The following KAT6B variants were observed in gnomAD, a reference collection of about 807,000 sequenced individuals.
The protein encoded by KAT6B is histone acetyltransferase KAT6B.
Under a neutral mutation model 187.5 loss-of-function variants are expected in KAT6B, and 10 were observed. That is an observed-to-expected ratio of 0.05 (90% CI 0.03 to 0.09). The LOEUF (loss-of-function observed/expected upper bound fraction) is 0.09. Ranked by LOEUF, KAT6B falls within the 10% of genes least tolerant of loss-of-function variation. The pLI is 1.00. For synonymous variants in KAT6B, 861 were observed against 926.8 expected, an observed-to-expected ratio of 0.93 and a Z score of 1.29; for missense variants, 1,952 against 2,558.9, an observed-to-expected ratio of 0.76 and a Z score of 5.12.
chr10:75,000,105 G>A (rs1468709892), intron 13 of KAT6B, among the ~76,000 whole-genome samples: 3 of 151,750 alleles, frequency 2.0e-5, no homozygotes, highest in Non-Finnish European at 4.4e-5. Flanking sequence ...CTGGGAAGCA[G>A]AGGTTGCAGT....
intron 1 of KAT6B, among the ~76,000 whole-genome samples, chr10:74,830,770 T>TATGTATATATATA (rs60886313): frequency 4.2e-4 from 4 of 9,632 alleles, no homozygotes; most frequent in African/African-American, 6.0e-4. Flanking sequence ...ATATATATAT[T>TATGTATATATATA]TTTTTTTTTT....
intron 3 of KAT6B, among the ~76,000 whole-genome samples, chr10:74,899,914 T>G (rs933579592): frequency 2.0e-5 from 3 of 152,230 alleles, no homozygotes; most frequent in Non-Finnish European, 4.4e-5. Context: ...AATAAAACTT[T>G]AAATCAATTA....
chr10:74,901,367 G>A (rs1051162892), intron 3 of KAT6B, among the ~76,000 whole-genome samples: 7 of 152,182 alleles, frequency 4.6e-5, no homozygotes, highest in Non-Finnish European at 8.8e-5. Flanking sequence ...CTCACTTCTG[G>A]CTGTGTGGGC....
chr10:74,872,447 C>T (rs1477924520), intron 3 of KAT6B, among the ~76,000 whole-genome samples: 1 of 152,130 alleles, frequency 6.6e-6, no homozygotes, highest in Non-Finnish European at 1.5e-5. Context: ...ACGATCTCGG[C>T]TCAGCGCAAC....
chr10:74,950,769 T>C (rs1184206121), intron 3 of KAT6B, among the ~76,000 whole-genome samples: 1 of 152,224 alleles, frequency 6.6e-6, no homozygotes, highest in Non-Finnish European at 1.5e-5. Context: ...TTGTGGACAA[T>C]AATTCATTAC....
intron 3 of KAT6B, among the ~76,000 whole-genome samples, chr10:74,881,137 T>C (rs1401602142): frequency 6.6e-6 from 1 of 152,106 alleles, no homozygotes; most frequent in Non-Finnish European, 1.5e-5. Context: ...CTCCATCTCC[T>C]GACCTCAGGG....
At chr10:74,891,246 C>T (rs1438265953) in intron 3 of KAT6B, among the ~76,000 whole-genome samples, 1 of 152,234 alleles carries the variant, frequency 6.6e-6, no homozygotes, top group African/African-American at 2.4e-5. Context: ...GCTGGTGCTG[C>T]TACTGCAAGG....
At chr10:74,890,586 A>C (rs2066256293) in intron 3 of KAT6B, among the ~76,000 whole-genome samples, 1 of 152,196 alleles carries the variant, frequency 6.6e-6, no homozygotes, top group South Asian at 2.1e-4. Flanking sequence ...GGAGAATGTG[A>C]GGAGCTGAGT....
Position 75,030,846 on chromosome 10 carries a change from A to G in KAT6B, c.6022A>G (p.Ser2008Gly). The G allele has an allele frequency of 6.2e-7, 1 of 1,614,240 alleles. No homozygotes were observed. The highest frequency in any genetic ancestry group is 1.1e-5 in the South Asian group (1 of 91,090). Reference protein sequence around the residue: ...SQPMMNSGYHSNHGYMNQTPQ... With the variant: ...SQPMMNSGYHGNHGYMNQTPQ... ...GCCAATGATGAACAGTGGCTACCAC[A>G]GCAATCATGGCTATATGAATCAAAC... The change falls in exon 18 of 18, where the codon AGC becomes GGC. Residue 2008 changes from serine to glycine, a missense_variant. Physicochemically the swap from Ser to Gly is moderately conservative, Grantham distance 56. Around this residue, in one of 9 missense-constraint regions of KAT6B, gnomAD observed 358 missense variants for 436.3 expected, o/e 0.82. Transcript: ENST00000287239. The surrounding 1 kb of genome is among the most constrained non-coding windows in gnomAD (Gnocchi z 4.8).
Position 75,028,821 on chromosome 10 carries a change from G to A in KAT6B, c.3997G>A (p.Val1333Ile), listed in dbSNP as rs997181148. 1.2e-6 allele frequency: 2 copies of A among 1,614,064 alleles called. No individual in the cohort carries two copies. The highest frequency in any genetic ancestry group is 2.2e-5 in the South Asian group (2 of 91,070). ...ENRREETCAP[V>I]SPNTSPGEKP... is the part of the protein sequence containing the mutation. ...CAGAAGGGAAGAAACATGTGCCCCT[G>A]TAAGTCCAAACACATCACCAGGTGA... The change falls in exon 18 of 18, where the codon GTA (valine) becomes ATA (isoleucine). Residue 1333 changes from valine (V) to isoleucine (I), a missense_variant. Around this residue, in one of 9 missense-constraint regions of KAT6B, gnomAD observed 758 missense variants for 891.4 expected, o/e 0.85. Coordinates refer to ENST00000287239, the MANE Select transcript of KAT6B (RefSeq NM_012330.4).
chr10:74,851,130 C>A (rs1842449960), intron 3 of KAT6B, among the ~76,000 whole-genome samples: 1 of 150,326 alleles, frequency 6.7e-6, no homozygotes, highest in Non-Finnish European at 1.5e-5. Flanking sequence ...TTTTTGGATA[C>A]AGAGTCTTGC....
chr10:74,978,618 G>A (rs1374050338), intron 9 of KAT6B, among the ~76,000 whole-genome samples: 2 of 152,078 alleles, frequency 1.3e-5, no homozygotes, highest in Admixed American at 6.5e-5. Context: ...TTCTTGTTCT[G>A]TGTCAGGCAC....
intron 13 of KAT6B, among the ~76,000 whole-genome samples, chr10:75,011,343 TA>T (rs1163031014): frequency 6.6e-6 from 1 of 152,202 alleles, no homozygotes; most frequent in Non-Finnish European, 1.5e-5. Context: ...GTGGAAAACT[TA>T]AAAGGTCAAA....
intron 1 of KAT6B, among the ~76,000 whole-genome samples, chr10:74,834,780 A>C (rs555777080): frequency 6.6e-6 from 1 of 152,120 alleles, no homozygotes; most frequent in Non-Finnish European, 1.5e-5. Flanking sequence ...TTGACCTCCC[A>C]AAGTGCTGGG....
In KAT6B at chr10:75,030,082, G is replaced by C. The variant is rs935614248; in HGVS notation, c.5258G>C (p.Gly1753Ala). ...PPTCSVKSPQ[G>A]CVVERPPSSS... ...ACCTGCAGCGTCAAGTCTCCTCAAGGCTGTGTGGTGGAGAGGCCTCCGAGC... is the reference window on the plus strand; with the variant it reads ...ACCTGCAGCGTCAAGTCTCCTCAAGCCTGTGTGGTGGAGAGGCCTCCGAGC... The change falls in exon 18 of 18, where the codon GGC becomes GCC. Residue 1753 changes from glycine to alanine, a missense_variant. This residue lies in a region of KAT6B where 358 missense variants were observed against 436.3 expected (regional missense o/e 0.82). Coordinates refer to ENST00000287239, the MANE Select transcript of KAT6B (RefSeq NM_012330.4). The surrounding 1 kb of genome is among the most constrained non-coding windows in gnomAD (Gnocchi z 4.8). 5.6e-6 allele frequency: 9 copies of C among 1,614,210 alleles called. No homozygotes were observed. The highest frequency in any genetic ancestry group is 7.6e-6 in the Non-Finnish European group (9 of 1,180,046).
At chr10:74,924,948 C>G (rs1848386906) in intron 3 of KAT6B, among the ~76,000 whole-genome samples, 1 of 151,568 alleles carries the variant, frequency 6.6e-6, no homozygotes, top group Non-Finnish European at 1.5e-5. Flanking sequence ...TAAACTAATT[C>G]TTAACATCTG....
chr10:74,916,209 T>C (rs1302797855), intron 3 of KAT6B, among the ~76,000 whole-genome samples: 2 of 152,190 alleles, frequency 1.3e-5, no homozygotes, highest in African/African-American at 4.8e-5. Context: ...TTTATACTCA[T>C]GTGCTATTAT....
chr10:74,961,607 A>G (rs1204407017), intron 4 of KAT6B, among the ~76,000 whole-genome samples: 1 of 152,180 alleles, frequency 6.6e-6, no homozygotes, highest in Non-Finnish European at 1.5e-5. Flanking sequence ...GGCCTCCTTC[A>G]CAGGGTATAA....
intron 3 of KAT6B, among the ~76,000 whole-genome samples, chr10:74,885,556 G>A (rs1289235915): frequency 6.6e-6 from 1 of 152,040 alleles, no homozygotes; most frequent in Middle Eastern, 3.2e-3. Flanking sequence ...CTTTGGGAAG[G>A]CAAAAATTAA....
Sources: gnomAD v4.1 joint callset for allele counts (sites outside exome capture counted in the v4.1 genomes callset) on GRCh38, gnomAD v4.1.1 for gene constraint, gnomAD v4.1.1 regional missense constraint, Gnocchi (gnomAD v3.1) non-coding constraint, MANE v1.5 for transcripts, NCBI Gene and HGNC (gene_info 2026-07-23, HGNC 2026-07-21) for gene names.